Variants in TTC39B observed in about 807,000 individuals in gnomAD.
TTC39B encodes tetratricopeptide repeat protein 39B.
A neutral mutation model predicts 96.6 loss-of-function variants in TTC39B; 92 were observed. The observed-to-expected ratio is 0.95, with a 90% CI of 0.80 to 1.13. The LOEUF is 1.13. Ranked by LOEUF, TTC39B falls within the 50% of genes most tolerant of loss-of-function variation. TTC39B has a pLI of 0.00. For missense variants in TTC39B, 955 were observed against 809.3 expected (o/e 1.18, Z -2.18); for synonymous variants, 367 against 299.4 (o/e 1.23, Z -2.33).
chr9:15,258,231 G>T (rs1369885082), intron 2 of TTC39B, among the ~76,000 whole-genome samples: 2 of 152,124 alleles, frequency 1.3e-5, no homozygotes, highest in Non-Finnish European at 2.9e-5. Flanking sequence ...TAATAGAGCG[G>T]AGAGAGAGGA....
intron 2 of TTC39B, among the ~76,000 whole-genome samples, chr9:15,240,760 T>TTC (rs1173204992): frequency 6.6e-6 from 1 of 152,204 alleles, no homozygotes; most frequent in Non-Finnish European, 1.5e-5. Context: ...CTCAATGTGT[T>TTC]TCTCATGTTA....
At chr9:15,175,599 T>A (rs971834) in intron 18 of TTC39B, among the ~76,000 whole-genome samples, 108,083 of 152,054 alleles carry the variant, frequency 0.71, 38,697 homozygotes, top group East Asian at 0.94. Flanking sequence ...TTAGGAGAAC[T>A]CTCTGGTTAT....
At chr9:15,226,620 T>G (rs1045087046) in intron 2 of TTC39B, among the ~76,000 whole-genome samples, 1 of 152,208 alleles carries the variant, frequency 6.6e-6, no homozygotes, top group African/African-American at 2.4e-5. Flanking sequence ...CCGAAGGCAA[T>G]GGTACTTATT....
chr9:15,189,146 T>C (rs1198661123), intron 13 of TTC39B, among the ~76,000 whole-genome samples: 1 of 152,238 alleles, frequency 6.6e-6, no homozygotes, highest in African/African-American at 2.4e-5. Flanking sequence ...TTTCTACTTC[T>C]GACCTCGACG....
rs1035565187 is a variant in TTC39B, at chr9:15,214,305, G to A, written c.372-56C>T. The A allele has an allele frequency of 1.6e-5, 21 of 1,301,992 alleles. No homozygotes were observed. In the African/African-American group the frequency reaches 2.6e-4, roughly 16 times the overall value. The allele number at this position is 1,301,992 out of a possible 1,614,324, so 80.7% of individuals were successfully genotyped here. A position where few individuals can be genotyped will look rare whatever the true frequency, so the allele number is the denominator to read the frequency against. On this transcript the variant is annotated intron_variant, in intron 3 of 19. Transcript: ENST00000512701. ...TCTATAGCTTTACGATCAGCAAGTT[G>A]TCCGAAGGGAGTGTGTGTGTGTGTG...
In TTC39B at chr9:15,301,253, G is replaced by A. The variant is rs528822270; in HGVS notation, c.240+5831C>T. Among the ~76,000 whole-genome samples the A allele has an allele frequency of 2.6e-5, 4 of 152,296 alleles. No homozygotes were observed. In the East Asian group the frequency reaches 5.8e-4, roughly 22 times the overall value. On this transcript the variant is annotated intron_variant, in intron 1 of 19. Coordinates refer to ENST00000512701, the Ensembl canonical transcript of TTC39B. ...TACTGAAAGCGCTCATTTACTCAGAGTGCCCTGCTTTGAATGATAAATTAT... is the reference window on the plus strand; with the variant it reads ...TACTGAAAGCGCTCATTTACTCAGAATGCCCTGCTTTGAATGATAAATTAT...
At chr9:15,194,166 G>C (rs577332317) in intron 8 of TTC39B, among the ~76,000 whole-genome samples, 2 of 152,060 alleles carry the variant, frequency 1.3e-5, no homozygotes, top group South Asian at 4.2e-4. Context: ...GAAATTTTTT[G>C]TAATAATTTT....
intron 2 of TTC39B, among the ~76,000 whole-genome samples, chr9:15,267,466 A>G (rs1414501350): frequency 6.6e-6 from 1 of 152,244 alleles, no homozygotes; most frequent in African/African-American, 2.4e-5. Context: ...TGACAACCTA[A>G]ATGTCTAACA....
chr9:15,261,492 A>C (rs919099932), intron 2 of TTC39B, among the ~76,000 whole-genome samples: 1 of 151,850 alleles, frequency 6.6e-6, no homozygotes, highest in East Asian at 1.9e-4. Flanking sequence ...CAAAAACAAA[A>C]CACCAAATCA....
rs1031567970 is a variant in TTC39B at position 15,181,123 on chromosome 9, G to C, written c.1723+1184C>G. Among the ~76,000 whole-genome samples, 5 of 152,120 alleles carry C rather than the reference G, an allele frequency of 3.3e-5. 1 individual carries two copies. The South Asian group carries it at 6.2e-4, about 19-fold the overall frequency. Reference sequence around the variant, plus strand: ...CCTCGAATTTTGCCCCCAACCAATGGGGGGCTGGGGGTGGTGAAGAGCTTG... The same window carrying C: ...CCTCGAATTTTGCCCCCAACCAATGCGGGGCTGGGGGTGGTGAAGAGCTTG... On this transcript the variant is annotated intron_variant, in intron 17 of 19. Coordinates refer to ENST00000512701, the Ensembl canonical transcript of TTC39B.
intron 1 of TTC39B, among the ~76,000 whole-genome samples, chr9:15,297,969 C>T (rs550366480): frequency 2.2e-4 from 33 of 152,190 alleles, no homozygotes; most frequent in Middle Eastern, 3.4e-3. Flanking sequence ...AGAGTGTTTC[C>T]AGAAGAGACT....
At chr9:15,282,922 A>G (rs1295880353) in intron 1 of TTC39B, among the ~76,000 whole-genome samples, 1 of 152,224 alleles carries the variant, frequency 6.6e-6, no homozygotes, top group Non-Finnish European at 1.5e-5. Context: ...AAACTGAGCT[A>G]TTTGACAAAG....
At chr9:15,298,669 G>A (rs1000353765) in intron 1 of TTC39B, among the ~76,000 whole-genome samples, 8 of 152,108 alleles carry the variant, frequency 5.3e-5, no homozygotes, top group South Asian at 2.1e-4. Flanking sequence ...TGTGAGCTAT[G>A]ACTCAAGATG....
chr9:15,197,781 T>A (rs934229883), intron 8 of TTC39B, among the ~76,000 whole-genome samples: 7 of 151,470 alleles, frequency 4.6e-5, no homozygotes, highest in African/African-American at 1.7e-4. Flanking sequence ...AGGGGAACAA[T>A]AATACAAATG....
chr9:15,289,675 T>C (rs1313503632), intron 1 of TTC39B, among the ~76,000 whole-genome samples: 1 of 151,806 alleles, frequency 6.6e-6, no homozygotes, highest in East Asian at 1.9e-4. Context: ...AAGAGGCTGA[T>C]TTTTTTTTAT....
At chr9:15,291,572 T>G (rs1438742719) in intron 1 of TTC39B, among the ~76,000 whole-genome samples, 1 of 152,308 alleles carries the variant, frequency 6.6e-6, no homozygotes, top group East Asian at 1.9e-4. Context: ...ATATGTAGAG[T>G]TCATATGGAT....
chr9:15,266,327 G>A (rs1185539247), intron 2 of TTC39B, among the ~76,000 whole-genome samples: 2 of 151,712 alleles, frequency 1.3e-5, no homozygotes, highest in Admixed American at 1.3e-4. Flanking sequence ...AAAAATTGCA[G>A]TCTGGAGGAA....
In TTC39B at chr9:15,188,150, A is replaced by G; in HGVS notation, c.1234-18T>C. 6.3e-7 allele frequency: 1 copy of G among 1,575,370 alleles called. No individual in the cohort carries two copies. Among genetic ancestry groups the G allele is most frequent in the Admixed American group, 1.8e-5 (1 of 54,202 alleles). On this transcript the variant is annotated intron_variant, in intron 13 of 19. Coordinates refer to ENST00000512701, the Ensembl canonical transcript of TTC39B. ...TCTTGTGCCTGTAAATCAAGTACAC[A>G]AAGTTGATCGTCCAGATATTAGACA...
At chr9:15,269,001 T>C (rs1823238650) in intron 1 of TTC39B, among the ~76,000 whole-genome samples, 1 of 152,084 alleles carries the variant, frequency 6.6e-6, no homozygotes, top group Admixed American at 6.6e-5. Flanking sequence ...CAGCCACAGG[T>C]CTTTCTTTCC....
Sources: allele counts gnomAD v4.1 joint callset (sites outside exome capture counted in the v4.1 genomes callset), GRCh38; gene constraint gnomAD v4.1.1; transcripts MANE v1.5; gene names NCBI Gene and HGNC (gene_info 2026-07-23, HGNC 2026-07-21).